POLN: variants seen among roughly 807,000 people sequenced by gnomAD.
POLN encodes DNA polymerase nu.
POLN carries 108 observed loss-of-function variants against 113.5 expected under a neutral mutation model. The observed-to-expected ratio is 0.95, with a 90% CI of 0.81 to 1.12. POLN has a LOEUF of 1.12. Ranked by LOEUF, POLN falls within the 50% of genes most tolerant of loss-of-function variation. The probability of loss-of-function intolerance (pLI) is 0.00; values close to 1 mark genes in which losing one functional copy is unlikely to be tolerated. For synonymous variants in POLN, 386 were observed against 391.5 expected, an observed-to-expected ratio of 0.99 and a Z score of 0.17; for missense variants, 1,097 against 1,077.1, an observed-to-expected ratio of 1.02 and a Z score of -0.26.
intron 3 of POLN, among the ~76,000 whole-genome samples, chr4:2,217,930 G>A (rs1037739433): frequency 1.3e-5 from 2 of 152,200 alleles, no homozygotes; most frequent in Admixed American, 6.5e-5. Context: ...CACTCTTAAT[G>A]GTTATGTGGT....
intron 2 of POLN, among the ~76,000 whole-genome samples, chr4:2,232,758 T>C (rs973685373): frequency 2.6e-5 from 4 of 152,202 alleles, no homozygotes; most frequent in African/African-American, 9.6e-5. Context: ...TTTATTACAG[T>C]AAATTCAAAT....
chr4:2,203,742 G>T (rs1196644749), intron 5 of POLN, among the ~76,000 whole-genome samples: 1 of 151,946 alleles, frequency 6.6e-6, no homozygotes, highest in Non-Finnish European at 1.5e-5. Flanking sequence ...CCCAAACCCA[G>T]CAGAAGAAAG....
intron 1 of POLN, 104 bp from the exon 2 acceptor site, chr4:2,241,894 G>A: frequency 2.0e-6 from 2 of 985,508 alleles, no homozygotes; most frequent in Non-Finnish European, 2.4e-6. Flanking sequence ...TCCTCGCCCA[G>A]CGGACCGGGC....
At chr4:2,096,679 CGAGAGAAAGAGAGAGA>C (rs1730798873) in intron 19 of POLN, among the ~76,000 whole-genome samples, 1 of 84,290 alleles carries the variant, frequency 1.2e-5, no homozygotes, top group South Asian at 3.9e-4. Flanking sequence ...ATTCAGAAGC[CGAGAGAAAGAGAGAGA>C]GAGAGAGAGA....
intron 3 of POLN, chr4:2,228,400 GA>G: frequency 3.7e-6 from 1 of 270,316 alleles, no homozygotes; most frequent in African/African-American, 2.4e-5. Context: ...GCCCACGCTG[GA>G]GACCTCAGCT....
chr4:2,192,713 A>C (rs1733481838), intron 7 of POLN, among the ~76,000 whole-genome samples: 1 of 151,872 alleles, frequency 6.6e-6, no homozygotes, highest in African/African-American at 2.4e-5. Flanking sequence ...CACGCCTATA[A>C]TCCCAGCACT....
At position 2,126,317 on chromosome 4, in the gene POLN, G is replaced by A; in HGVS notation, c.1982+1796C>T. Among the ~76,000 whole-genome samples, 1 of 152,208 alleles carries A rather than the reference G, an allele frequency of 6.6e-6. No homozygotes were observed. The highest frequency in any genetic ancestry group is 1.9e-4 in the East Asian group (1 of 5,204). ...CCCCGTATATAAAATATTTCTTCCT[G>A]AATTTTGTCATTCAAGTAAGAGTCC... On this transcript the variant is annotated intron_variant, in intron 19 of 25. Coordinates refer to ENST00000511885, the MANE Select transcript of POLN (RefSeq NM_181808.4). This position sits in a 1 kb window ranked among gnomAD's most constrained non-coding sequence, Gnocchi z 4.6.
chr4:2,200,701 A>G (rs957285512), intron 5 of POLN, among the ~76,000 whole-genome samples: 1 of 152,156 alleles, frequency 6.6e-6, no homozygotes, highest in African/African-American at 2.4e-5. Flanking sequence ...CATTGGATAA[A>G]AGAATCTGAA....
intron 20 of POLN, among the ~76,000 whole-genome samples, chr4:2,088,482 T>C (rs1336948343): frequency 6.6e-6 from 1 of 152,216 alleles, no homozygotes; most frequent in African/African-American, 2.4e-5. Context: ...CCATATCCAC[T>C]TTGTAAACAT....
intron 19 of POLN, among the ~76,000 whole-genome samples, chr4:2,116,943 A>G (rs1342190169): frequency 6.6e-6 from 1 of 152,256 alleles, no homozygotes; most frequent in Non-Finnish European, 1.5e-5. Context: ...TTCATTTTTA[A>G]TGAAGACATA....
chr4:2,208,925 C>A (rs1180557458), intron 4 of POLN, among the ~76,000 whole-genome samples: 1 of 151,480 alleles, frequency 6.6e-6, no homozygotes, highest in Non-Finnish European at 1.5e-5. Flanking sequence ...GAGGTGGAGG[C>A]TGAAGTGAGC....
At chr4:2,166,916 C>G (rs1038430330) in intron 13 of POLN, among the ~76,000 whole-genome samples, 7 of 152,174 alleles carry the variant, frequency 4.6e-5, no homozygotes, top group African/African-American at 1.7e-4. Flanking sequence ...ATGTCCCTAA[C>G]AAATCCCCTC....
intron 16 of POLN, 52 bp downstream of exon 16, chr4:2,156,736 T>C (rs1029264408): frequency 4.7e-6 from 7 of 1,492,480 alleles, no homozygotes; most frequent in Non-Finnish European, 4.7e-6. Context: ...AAAACTTCAA[T>C]AGCAAGGCAG....
At chr4:2,214,217 CAGGG>C (rs1734060101) in intron 3 of POLN, among the ~76,000 whole-genome samples, 1 of 150,944 alleles carries the variant, frequency 6.6e-6, no homozygotes, top group African/African-American at 2.4e-5. Flanking sequence ...GCCTGGGTTA[CAGGG>C]CAAGACTCTG....
chr4:2,098,628 T>C (rs765047422), intron 19 of POLN, among the ~76,000 whole-genome samples: 4 of 152,128 alleles, frequency 2.6e-5, no homozygotes, highest in Non-Finnish European at 5.9e-5. Flanking sequence ...TTGATGCACA[T>C]GGTTACATAG....
intron 7 of POLN, among the ~76,000 whole-genome samples, chr4:2,185,944 A>G (rs779502065): frequency 6.6e-6 from 1 of 152,238 alleles, no homozygotes; most frequent in African/African-American, 2.4e-5. Context: ...AACACAAGAA[A>G]GCCGGCTTCA....
At chr4:2,099,110 A>G (rs1051946944) in intron 19 of POLN, among the ~76,000 whole-genome samples, 9 of 152,268 alleles carry the variant, frequency 5.9e-5, no homozygotes, top group Admixed American at 5.2e-4. Context: ...AAAGGATTAA[A>G]TAAATAAATG....
At chr4:2,221,290 A>G (rs1293810740) in intron 3 of POLN, among the ~76,000 whole-genome samples, 1 of 152,130 alleles carries the variant, frequency 6.6e-6, no homozygotes, top group Non-Finnish European at 1.5e-5. Flanking sequence ...CCGTGCCATC[A>G]TGCCCCACTA....
chr4:2,173,907 A>G (rs1271569216), intron 11 of POLN, 48 bp downstream of exon 11: 1 of 1,539,048 alleles, frequency 6.5e-7, no homozygotes, highest in Non-Finnish European at 9.0e-7. Flanking sequence ...CAACTATCTC[A>G]TGCAGGAAAG....
Sources: allele counts gnomAD v4.1 joint callset (sites outside exome capture counted in the v4.1 genomes callset), GRCh38; gene constraint gnomAD v4.1.1; non-coding constraint Gnocchi (gnomAD v3.1); transcripts MANE v1.5; gene names NCBI Gene and HGNC (gene_info 2026-07-23, HGNC 2026-07-21).